Variants in UNC5D observed in about 807,000 individuals in gnomAD.
The protein encoded by UNC5D is netrin receptor UNC5D.
A neutral mutation model predicts 105.4 loss-of-function variants in UNC5D; 39 were observed. That is an observed-to-expected ratio of 0.37 (90% CI 0.29 to 0.48). UNC5D has a LOEUF of 0.48. UNC5D is among the 20% of genes least tolerant of loss of function. The probability of loss-of-function intolerance (pLI) is 0.98; values close to 1 mark genes in which losing one functional copy is unlikely to be tolerated. For missense variants in UNC5D, 991 were observed against 1,202.4 expected, an observed-to-expected ratio of 0.82 and a Z score of 2.60; for synonymous variants, 452 against 450.4, an observed-to-expected ratio of 1.00 and a Z score of -0.04.
At chr8:35,698,156 C>T (rs1205143936) in intron 7 of UNC5D, among the ~76,000 whole-genome samples, 1 of 151,620 alleles carries the variant, frequency 6.6e-6, no homozygotes, top group Non-Finnish European at 1.5e-5. Context: ...AATTGCACAG[C>T]TTGATGATTT....
chr8:35,788,930 T>C (rs2131809001), intron 16 of UNC5D, among the ~76,000 whole-genome samples: 1 of 151,674 alleles, frequency 6.6e-6, no homozygotes, highest in Non-Finnish European at 1.5e-5. Context: ...GTTCTTCCTC[T>C]TTCTTGCCCC....
intron 1 of UNC5D, chr8:35,544,557 A>C: frequency 6.2e-7 from 1 of 1,613,252 alleles, no homozygotes; most frequent in Non-Finnish European, 8.5e-7. Flanking sequence ...ACAAACAGGA[A>C]AAAGGACAGT....
At chr8:35,420,415 A>G (rs12335216) in intron 1 of UNC5D, among the ~76,000 whole-genome samples, 7,913 of 152,264 alleles carry the variant, frequency 0.052, 241 homozygotes, top group African/African-American at 0.082. Context: ...CCCCTCCACT[A>G]GTGCCTTCCT....
At chr8:35,621,450 G>T (rs897471339) in intron 4 of UNC5D, among the ~76,000 whole-genome samples, 4 of 152,254 alleles carry the variant, frequency 2.6e-5, no homozygotes, top group African/African-American at 7.2e-5. Context: ...GAATGATTAT[G>T]TTAGGTTTGC....
chr8:35,646,891 C>G (rs1019234207), intron 4 of UNC5D, among the ~76,000 whole-genome samples: 1 of 152,078 alleles, frequency 6.6e-6, no homozygotes, highest in Non-Finnish European at 1.5e-5. Flanking sequence ...TGTTGATATA[C>G]TGTATTTTTC....
chr8:35,477,676 T>C (rs115701614), intron 1 of UNC5D, among the ~76,000 whole-genome samples: 1,844 of 152,164 alleles, frequency 0.012, 42 homozygotes, highest in African/African-American at 0.042. Flanking sequence ...AACGTCAAAA[T>C]TCATCTAGAG....
chr8:35,294,707 T>TG (rs1321353070), intron 1 of UNC5D, among the ~76,000 whole-genome samples: 1 of 151,580 alleles, frequency 6.6e-6, no homozygotes, highest in East Asian at 1.9e-4. Context: ...CTTTTTTTTT[T>TG]TTTTTTTACA....
intron 1 of UNC5D, among the ~76,000 whole-genome samples, chr8:35,280,946 A>T (rs540311942): frequency 2.0e-5 from 3 of 152,316 alleles, no homozygotes; most frequent in Admixed American, 2.0e-4. Flanking sequence ...AATGATATTT[A>T]TTTCAAACAT....
intron 1 of UNC5D, among the ~76,000 whole-genome samples, chr8:35,264,396 A>T (rs1286405630): frequency 9.8e-6 from 1 of 101,574 alleles, no homozygotes; most frequent in Non-Finnish European, 2.2e-5. Context: ...ATGATTATTC[A>T]TGTGGCTGCA....
At chr8:35,448,519 C>T (rs1807941034) in intron 1 of UNC5D, among the ~76,000 whole-genome samples, 2 of 152,068 alleles carry the variant, frequency 1.3e-5, no homozygotes, top group African/African-American at 2.4e-5. Flanking sequence ...GCATCAGCAG[C>T]ACCTGGGAGT....
chr8:35,547,592 G>A (rs1458058805), intron 1 of UNC5D, among the ~76,000 whole-genome samples: 3 of 152,128 alleles, frequency 2.0e-5, no homozygotes, highest in Non-Finnish European at 4.4e-5. Context: ...AGCCACCGCG[G>A]CCAGTCAGAA....
intron 1 of UNC5D, among the ~76,000 whole-genome samples, chr8:35,537,712 T>C (rs1814940723): frequency 6.7e-6 from 1 of 149,814 alleles, no homozygotes; most frequent in Non-Finnish European, 1.5e-5. Flanking sequence ...AAAAATAAAA[T>C]AATAAATAAG....
chr8:35,544,595 GTT>G (rs775831187), intron 1 of UNC5D: 50,060 of 559,712 alleles, frequency 0.089, 85 homozygotes, highest in Admixed American at 0.15. Flanking sequence ...TTTCGTTTTC[GTT>G]TTTTTTTTTT....
At chr8:35,472,722 A>G (rs1375182991) in intron 1 of UNC5D, among the ~76,000 whole-genome samples, 1 of 152,220 alleles carries the variant, frequency 6.6e-6, no homozygotes, top group East Asian at 1.9e-4. Flanking sequence ...AGCTCAAAAG[A>G]GGAAAAGTGA....
intron 11 of UNC5D, 120 bp downstream of exon 11, chr8:35,731,216 TG>T: frequency 2.3e-6 from 2 of 878,198 alleles, no homozygotes; most frequent in Non-Finnish European, 3.6e-6. Flanking sequence ...CTGGCCAACA[TG>T]GCGAAAGCCT....
At chr8:35,593,818 T>C (rs543367830) in intron 3 of UNC5D, among the ~76,000 whole-genome samples, 8 of 152,142 alleles carry the variant, frequency 5.3e-5, no homozygotes, top group Non-Finnish European at 1.0e-4. Flanking sequence ...TGACATCTTA[T>C]ATGTTAAAGT....
At chr8:35,578,381 G>T (rs1818245400) in intron 3 of UNC5D, among the ~76,000 whole-genome samples, 1 of 151,908 alleles carries the variant, frequency 6.6e-6, no homozygotes, top group African/African-American at 2.4e-5. Flanking sequence ...TTAAGTAATG[G>T]CTCATTTAAC....
rs114058789 is a variant in UNC5D at position 35,472,031 on chromosome 8, G to A, written c.104-77261G>A. On this transcript the variant is annotated intron_variant, in intron 1 of 16. Coordinates refer to ENST00000404895, the MANE Select transcript of UNC5D (RefSeq NM_080872.4). ...GTTCCTATCTTTAAGAAGTTAAGAT[G>A]ACAAGAACAAACTGAAAGGGACACA... is the stretch of plus-strand genomic sequence containing the variant. Among the ~76,000 whole-genome samples, 775 of 152,272 alleles carry A rather than the reference G, an allele frequency of 5.1e-3. 7 individuals carry two copies. Among genetic ancestry groups the A allele is most frequent in the African/African-American group, 0.017 (703 of 41,546 alleles).
At chr8:35,614,797 G>T (rs924523947) in intron 4 of UNC5D, among the ~76,000 whole-genome samples, 4 of 152,150 alleles carry the variant, frequency 2.6e-5, no homozygotes, top group African/African-American at 9.7e-5. Context: ...TAGCTGGGAA[G>T]CTCTAGTTCC....
Sources: gnomAD v4.1 joint callset for allele counts (sites outside exome capture counted in the v4.1 genomes callset) on GRCh38, gnomAD v4.1.1 for gene constraint, MANE v1.5 for transcripts, NCBI Gene and HGNC (gene_info 2026-07-23, HGNC 2026-07-21) for gene names.